Variants in SEC24D observed in about 807,000 individuals in gnomAD.
The protein encoded by SEC24D is protein transport protein Sec24D.
In SEC24D, 69 loss-of-function variants were observed where a neutral mutation model predicts 116.9. The observed-to-expected ratio is 0.59, with a 90% confidence interval of 0.49 to 0.72. The LOEUF (loss-of-function observed/expected upper bound fraction) is 0.72. SEC24D is among the 30% of genes least tolerant of loss of function. The pLI, the probability that SEC24D is intolerant of heterozygous loss-of-function variation, is 0.00. For missense variants in SEC24D, 1,131 were observed against 1,264.1 expected, an observed-to-expected ratio of 0.89 and a Z score of 1.60; for synonymous variants, 405 against 442.8, an observed-to-expected ratio of 0.91 and a Z score of 1.07.
At chr4:118,786,545 T>G (rs1481748763) in intron 8 of SEC24D, among the ~76,000 whole-genome samples, 4 of 152,220 alleles carry the variant, frequency 2.6e-5, no homozygotes, top group African/African-American at 9.6e-5. Context: ...GATAGTATAT[T>G]TCATTGATTC....
At chr4:118,739,346 C>T (rs1477019427) in intron 17 of SEC24D, 59 bp from the exon 18 acceptor site, 3 of 1,504,528 alleles carry the variant, frequency 2.0e-6, no homozygotes, top group Non-Finnish European at 2.7e-6. Flanking sequence ...CCCAAGCTAA[C>T]TTGATCTTAC....
rs1730114931 is a variant in SEC24D, at chr4:118,815,670, A to G, written c.454T>C (p.Leu152=). The G allele has an allele frequency of 6.2e-7, 1 of 1,614,092 alleles. No homozygotes were observed. The highest frequency in any genetic ancestry group is 8.5e-7 in the Non-Finnish European group (1 of 1,179,984). ...GPPGPLSATS[L]QTPPRPPQPS... ...TGTGGAGGTCGTGGAGGAGTCTGCA[A>G]TGATGTGGCTGACAGAGGGCCAGGG... is the stretch of plus-strand genomic sequence containing the variant. The change falls in exon 5 of 23, where the codon TTG becomes CTG. Residue 152 remains leucine, a synonymous_variant. Transcript: ENST00000280551.
chr4:118,829,880 A>G (rs1730767794), intron 2 of SEC24D, among the ~76,000 whole-genome samples: 1 of 152,304 alleles, frequency 6.6e-6, no homozygotes, highest in Middle Eastern at 3.4e-3. Flanking sequence ...ATAAATGGAG[A>G]TACGATAATG....
chr4:118,825,353 A>T (rs527436911), intron 2 of SEC24D: 18 of 327,306 alleles, frequency 5.5e-5, no homozygotes, highest in Non-Finnish European at 1.0e-4. Flanking sequence ...ATGCTTGCTC[A>T]GACAAAATAT....
intron 21 of SEC24D, chr4:118,729,730 C>A (rs1273732802): frequency 6.6e-6 from 1 of 152,184 alleles, no homozygotes; most frequent in Non-Finnish European, 1.5e-5. Flanking sequence ...CAAGAAGATG[C>A]CAACAGCCAA....
chr4:118,813,620 A>G (rs1730012596), intron 6 of SEC24D, among the ~76,000 whole-genome samples: 1 of 152,196 alleles, frequency 6.6e-6, no homozygotes, highest in South Asian at 2.1e-4. Flanking sequence ...GGATTAATCC[A>G]TTCACAAGGG....
chr4:118,821,180 G>T (rs1730386026), intron 3 of SEC24D, among the ~76,000 whole-genome samples: 2 of 152,054 alleles, frequency 1.3e-5, no homozygotes, highest in African/African-American at 4.8e-5. Flanking sequence ...AAATAAAATT[G>T]AAGAAAAAAC....
chr4:118,764,762 A>T (rs1199537693), intron 10 of SEC24D, 40 bp downstream of exon 10: 1 of 1,086,034 alleles, frequency 9.2e-7, no homozygotes, highest in Admixed American at 1.8e-5. Flanking sequence ...CTTGAATTTA[A>T]CATCAATGTA....
chr4:118,782,907 G>A (rs970284547), intron 8 of SEC24D, among the ~76,000 whole-genome samples: 1 of 152,228 alleles, frequency 6.6e-6, no homozygotes, highest in Non-Finnish European at 1.5e-5. Flanking sequence ...GACCCACCGA[G>A]TCAGGCATGG....
At chr4:118,733,752 C>T (rs1472283816) in intron 19 of SEC24D, among the ~76,000 whole-genome samples, 1 of 152,112 alleles carries the variant, frequency 6.6e-6, no homozygotes, top group Non-Finnish European at 1.5e-5. Context: ...GTTCTTCCTC[C>T]CATGTTTCCT....
rs1022544934 is a variant in SEC24D, at chr4:118,793,612, G to C, written c.1041+4071C>G. Among the ~76,000 whole-genome samples, 43 of 152,058 alleles carry C rather than the reference G, an allele frequency of 2.8e-4. 1 individual carries two copies. Among genetic ancestry groups the C allele is most frequent in the African/African-American group, 1.0e-3 (43 of 41,390 alleles). ...TTAGGTCCAGCTACATGCCCAAAAA[G>C]GAAGACATTTTTTGGGCACATGCCC... On this transcript the variant is annotated intron_variant, in intron 8 of 22. Coordinates refer to ENST00000280551, the MANE Select transcript of SEC24D (RefSeq NM_014822.4).
chr4:118,750,816 A>T (rs2110454652), intron 13 of SEC24D, among the ~76,000 whole-genome samples: 1 of 152,168 alleles, frequency 6.6e-6, no homozygotes, highest in Admixed American at 6.5e-5. Flanking sequence ...GCTTTATAAT[A>T]TTTGTTATTA....
At chr4:118,749,294 C>T (rs565746855) in intron 13 of SEC24D, among the ~76,000 whole-genome samples, 8 of 152,230 alleles carry the variant, frequency 5.3e-5, no homozygotes, top group South Asian at 4.1e-4. Flanking sequence ...TTCAAAAGGA[C>T]GCATAAGAAC....
Position 118,817,398 on chromosome 4 carries a change from G to A in SEC24D, c.263C>T (p.Pro88Leu). 1 of 1,607,074 alleles carries A rather than the reference G, an allele frequency of 6.2e-7. No homozygotes were observed. Among genetic ancestry groups the A allele is most frequent in the Non-Finnish European group, 8.5e-7 (1 of 1,177,592 alleles). The change falls in exon 4 of 23, where the codon CCA becomes CTA. Residue 88 changes from proline to leucine, a missense_variant. Transcript: ENST00000280551. ...GHPPQRFPGPPPVNNVASSHA... is the reference protein window; with the variant it reads ...GHPPQRFPGPLPVNNVASSHA... Reference sequence around the variant, plus strand: ...TGAGGATGCCACATTGTTGACAGGTGGAGGGCCTGGAAATCTGAGAGAGGA... The same window carrying A: ...TGAGGATGCCACATTGTTGACAGGTAGAGGGCCTGGAAATCTGAGAGAGGA...
chr4:118,778,070 G>C (rs1424700521), intron 8 of SEC24D, among the ~76,000 whole-genome samples: 1 of 152,164 alleles, frequency 6.6e-6, no homozygotes, highest in East Asian at 1.9e-4. Flanking sequence ...TGTTCACTCT[G>C]ATGGTAGTTT....
intron 6 of SEC24D, among the ~76,000 whole-genome samples, chr4:118,808,851 T>C (rs979242919): frequency 1.3e-5 from 2 of 152,218 alleles, no homozygotes; most frequent in African/African-American, 4.8e-5. Flanking sequence ...AAAGTGATTA[T>C]CTTGAGATAA....
Position 118,738,341 on chromosome 4 carries a change from G to C in SEC24D, c.2416C>G (p.Arg806Gly), listed in dbSNP as rs148390890. Residue 806 changes from arginine to glycine, a missense_variant, in exon 19 of 23, where the codon CGG (arginine) becomes GGG (glycine). By Grantham distance (125) the Arg-to-Gly change is moderately radical. Coordinates refer to ENST00000280551, the MANE Select transcript of SEC24D (RefSeq NM_014822.4). ...AVLHQPLKVI[R>G]EILVNQTAHM... is the part of the protein sequence containing the mutation. ...GCAGTCTGATTAACTAGAATTTCCC[G>C]GATGACCTTCAAAGGCTGGTGGAGA... 8.7e-6 allele frequency: 14 copies of C among 1,613,320 alleles called. No homozygotes were observed. The highest frequency in any genetic ancestry group is 7.6e-6 in the Non-Finnish European group (9 of 1,179,438).
chr4:118,822,676 A>G (rs1299351176), intron 3 of SEC24D, among the ~76,000 whole-genome samples: 2 of 152,120 alleles, frequency 1.3e-5, no homozygotes, highest in Non-Finnish European at 2.9e-5. Flanking sequence ...GGCTCAAGCA[A>G]TCCTCCCACC....
chr4:118,778,295 G>C (rs2110483369), intron 8 of SEC24D, among the ~76,000 whole-genome samples: 1 of 152,330 alleles, frequency 6.6e-6, no homozygotes, highest in East Asian at 1.9e-4. Context: ...AAGGTGTAAG[G>C]AAGGGATTCA....
Sources: gnomAD v4.1 joint callset for allele counts (sites outside exome capture counted in the v4.1 genomes callset) on GRCh38, gnomAD v4.1.1 for gene constraint, MANE v1.5 for transcripts, NCBI Gene and HGNC (gene_info 2026-07-23, HGNC 2026-07-21) for gene names.